The following GABRG3 variants were observed in gnomAD, a reference collection of about 807,000 sequenced individuals.
GABRG3 encodes gamma-aminobutyric acid type A receptor subunit gamma3, also known as gamma-aminobutyric acid receptor subunit gamma-3.
GABRG3 carries 25 observed loss-of-function variants against 48.8 expected under a neutral mutation model. That is an observed-to-expected ratio of 0.51 (90% confidence interval 0.37 to 0.72). The LOEUF (loss-of-function observed/expected upper bound fraction) is 0.72, where lower values mean the gene tolerates loss of function less well. GABRG3 is among the 30% of genes least tolerant of loss of function. The pLI is 0.00. For synonymous variants in GABRG3, 227 were observed against 217.6 expected, an observed-to-expected ratio of 1.04 and a Z score of -0.38; for missense variants, 394 against 577.9, an observed-to-expected ratio of 0.68 and a Z score of 3.26.
At chr15:27,284,214 A>G (rs1214196980) in intron 3 of GABRG3, among the ~76,000 whole-genome samples, 1 of 152,208 alleles carries the variant, frequency 6.6e-6, no homozygotes, top group Non-Finnish European at 1.5e-5. Flanking sequence ...CTTCCTTTCT[A>G]TTAACAACTG....
At chr15:27,282,569 TG>T in intron 3 of GABRG3, among the ~76,000 whole-genome samples, 1 of 152,352 alleles carries the variant, frequency 6.6e-6, no homozygotes, top group Admixed American at 6.5e-5. Context: ...GGTTCTACTT[TG>T]TATCATAGGT....
chr15:27,029,254 G>A (rs896468917), intron 3 of GABRG3, among the ~76,000 whole-genome samples: 1 of 152,076 alleles, frequency 6.6e-6, no homozygotes, highest in Non-Finnish European at 1.5e-5. Flanking sequence ...ACGCAGCCCT[G>A]GGGAAGCCGA....
In GABRG3 at chr15:27,273,565, G is replaced by C. The variant is rs74004783; in HGVS notation, c.271-53244G>C. 7.9e-5 allele frequency among the ~76,000 whole-genome samples: 12 copies of C among 152,292 alleles called. No individual in the cohort carries two copies. The East Asian group carries it at 2.3e-3, about 29-fold the overall frequency. On this transcript the variant is annotated intron_variant, in intron 3 of 9. Coordinates refer to ENST00000615808, the MANE Select transcript of GABRG3 (RefSeq NM_033223.5). Reference sequence around the variant, plus strand: ...GCTGATGGCTCAAGGCGCAGAAGTCGTATGAGCTATTCTCAGTCCACTGGC... The same window carrying C: ...GCTGATGGCTCAAGGCGCAGAAGTCCTATGAGCTATTCTCAGTCCACTGGC...
chr15:27,339,068 C>T (rs1264320111), intron 5 of GABRG3, among the ~76,000 whole-genome samples: 2 of 152,138 alleles, frequency 1.3e-5, no homozygotes, highest in Admixed American at 1.3e-4. Flanking sequence ...AGGAAAGGAG[C>T]ATACTGCTCC....
chr15:27,498,947 G>C (rs894331294), intron 6 of GABRG3, among the ~76,000 whole-genome samples: 1 of 152,140 alleles, frequency 6.6e-6, no homozygotes, highest in Non-Finnish European at 1.5e-5. Context: ...TGACTCCCAC[G>C]ACAAGCATCA....
chr15:27,460,763 C>A (rs1158085287), intron 5 of GABRG3, among the ~76,000 whole-genome samples: 1 of 152,132 alleles, frequency 6.6e-6, no homozygotes, highest in African/African-American at 2.4e-5. Flanking sequence ...TACCTCCAGG[C>A]CCCTCAGGAA....
At chr15:27,016,724 G>A (rs1594571) in intron 2 of GABRG3, among the ~76,000 whole-genome samples, 75,996 of 151,874 alleles carry the variant, frequency 0.5, 19,886 homozygotes, top group Middle Eastern at 0.62. Context: ...TTCGCATAAT[G>A]CATATGTTAT....
intron 3 of GABRG3, among the ~76,000 whole-genome samples, chr15:27,326,157 TG>T (rs1893606952): frequency 1.3e-5 from 2 of 152,182 alleles, no homozygotes; most frequent in Non-Finnish European, 2.9e-5. Context: ...GCTTCAACCC[TG>T]GGCCTTTGCC....
At chr15:27,094,374 C>T (rs1435320907) in intron 3 of GABRG3, among the ~76,000 whole-genome samples, 1 of 152,210 alleles carries the variant, frequency 6.6e-6, no homozygotes, top group African/African-American at 2.4e-5. Flanking sequence ...ATTGCACCAG[C>T]TGCCTTCTTA....
At chr15:27,477,932 G>C (rs1222300302) in intron 5 of GABRG3, among the ~76,000 whole-genome samples, 1 of 151,956 alleles carries the variant, frequency 6.6e-6, no homozygotes, top group Non-Finnish European at 1.5e-5. Context: ...TGCAGTCCCA[G>C]CTACTCAAGA....
intron 3 of GABRG3, among the ~76,000 whole-genome samples, chr15:27,065,925 A>C (rs970386912): frequency 2.0e-5 from 3 of 152,232 alleles, no homozygotes; most frequent in African/African-American, 7.2e-5. Context: ...TGGTCAATTT[A>C]GACATGTCAA....
intron 5 of GABRG3, among the ~76,000 whole-genome samples, chr15:27,377,536 CAA>C (rs1340034953): frequency 2.0e-5 from 3 of 152,170 alleles, no homozygotes; most frequent in Non-Finnish European, 4.4e-5. Context: ...TGGTGGCAGA[CAA>C]GAGAAGAGTG....
At chr15:27,471,865 G>C (rs1889797842) in intron 5 of GABRG3, among the ~76,000 whole-genome samples, 1 of 152,106 alleles carries the variant, frequency 6.6e-6, no homozygotes, top group Admixed American at 6.5e-5. Context: ...TTAGTGTAGA[G>C]TTTTATAATA....
intron 3 of GABRG3, among the ~76,000 whole-genome samples, chr15:27,085,320 A>G (rs1388460652): frequency 6.6e-6 from 1 of 152,190 alleles, no homozygotes; most frequent in Admixed American, 6.5e-5. Flanking sequence ...TTGAGGCAAA[A>G]TAACCTATAG....
intron 3 of GABRG3, among the ~76,000 whole-genome samples, chr15:27,110,730 G>T (rs1049620593): frequency 6.6e-6 from 1 of 151,902 alleles, no homozygotes; most frequent in Non-Finnish European, 1.5e-5. Context: ...CATAATTTCT[G>T]ATGAGACATC....
chr15:27,385,064 G>T (rs1008453736), intron 5 of GABRG3, among the ~76,000 whole-genome samples: 1 of 152,088 alleles, frequency 6.6e-6, no homozygotes, highest in Non-Finnish European at 1.5e-5. Context: ...CTTTCATGCA[G>T]CAGGTCTTTT....
intron 3 of GABRG3, among the ~76,000 whole-genome samples, chr15:27,141,175 C>T (rs185819029): frequency 6.6e-6 from 1 of 152,232 alleles, no homozygotes; most frequent in Non-Finnish European, 1.5e-5. Flanking sequence ...GTAAAAAGCC[C>T]TAGTTCACTG....
At chr15:27,132,070 C>T (rs911959188) in intron 3 of GABRG3, among the ~76,000 whole-genome samples, 4 of 151,998 alleles carry the variant, frequency 2.6e-5, no homozygotes, top group Non-Finnish European at 1.5e-5. Flanking sequence ...TATTTTCTTC[C>T]ATTCTGTAGG....
chr15:27,508,874 C>A (rs566179053), intron 6 of GABRG3, among the ~76,000 whole-genome samples: 1 of 152,166 alleles, frequency 6.6e-6, no homozygotes, highest in Non-Finnish European at 1.5e-5. Context: ...CCACCACACC[C>A]AGCTAATTTT....
Sources: gnomAD v4.1 joint callset for allele counts (sites outside exome capture counted in the v4.1 genomes callset) on GRCh38, gnomAD v4.1.1 for gene constraint, MANE v1.5 for transcripts, NCBI Gene and HGNC (gene_info 2026-07-23, HGNC 2026-07-21) for gene names.